The following PSMA7 variants were observed in gnomAD, a reference collection of about 807,000 sequenced individuals.
The protein encoded by PSMA7 is proteasome 20S subunit alpha 7.
PSMA7 carries 5 observed loss-of-function variants against 31.3 expected under a neutral mutation model. That is an observed-to-expected ratio of 0.16 (90% CI 0.08 to 0.34). PSMA7 has a LOEUF of 0.34. PSMA7 is among the 10% of genes least tolerant of loss of function. PSMA7 has a pLI of 1.00. For synonymous variants in PSMA7, 155 were observed against 121.9 expected (o/e 1.27, Z -1.79); for missense variants, 217 against 327.5 (o/e 0.66, Z 2.60).
Position 62,138,240 on chromosome 20 carries a change from C to T in PSMA7, c.522G>A (p.Lys174=). Residue 174 remains lysine (K), a synonymous_variant, in exon 5 of 7, where the codon AAG becomes AAA. Transcript: ENST00000370873. The part of the protein sequence containing the change: ...GAKSVREFLE[K]NYTDEAIETD... ...TTTCAATGGCTTCGTCAGTATAGTT[C>T]TTCTCCAGGAACTCGCGCACTGACT... 1.2e-6 allele frequency: 2 copies of T among 1,614,024 alleles called. No individual in the cohort carries two copies. The highest frequency in any genetic ancestry group is 1.7e-6 in the Non-Finnish European group (2 of 1,179,902).
intron 2 of PSMA7, among the ~76,000 whole-genome samples, 185 bp downstream of exon 2, chr20:62,140,633 C>T (rs551407065): frequency 1.3e-5 from 2 of 152,254 alleles, no homozygotes; most frequent in Non-Finnish European, 2.9e-5. Context: ...GTTTCACCTG[C>T]TATGGCAGAG....
In PSMA7 at chr20:62,140,935, G is replaced by A; in HGVS notation, c.106C>T (p.Arg36Ter). Residue 36 changes from arginine (R) to a stop codon, truncating the protein, a stop_gained, in exon 2 of 7, where the codon CGA becomes TGA. Coordinates refer to ENST00000370873, the MANE Select transcript of PSMA7 (RefSeq NM_002792.4). LOFTEE classifies it high-confidence loss of function. ...CCAAGAACAACAATGTCTCTTCCTC[G>A]AACACCAACCTTTAATTAAGATCCA... Reference protein sequence around the residue: ...VKKGSTAVGVRGRDIVVLGVE... With the variant: ...VKKGSTAVGV 1 of 1,614,036 alleles carries A rather than the reference G, an allele frequency of 6.2e-7. No individual in the cohort carries two copies. Among genetic ancestry groups the A allele is most frequent in the Non-Finnish European group, 8.5e-7 (1 of 1,180,006 alleles).
At chr20:62,139,594 A>G in intron 3 of PSMA7, 187 bp downstream of exon 3, 2 of 949,150 alleles carry the variant, frequency 2.1e-6, no homozygotes, top group Non-Finnish European at 3.2e-6. Context: ...CCAGGAACTG[A>G]GAACAGAACA....
chr20:62,140,188 A>T (rs1182260019), intron 2 of PSMA7, among the ~76,000 whole-genome samples: 1 of 152,214 alleles, frequency 6.6e-6, no homozygotes, highest in Non-Finnish European at 1.5e-5. Context: ...TTGTAAATAA[A>T]AAATTGTAGG....
Position 62,139,794 on chromosome 20 carries a change from G to A in PSMA7, c.335C>T (p.Ala112Val). 6.2e-7 allele frequency: 1 copy of A among 1,614,054 alleles called. No homozygotes were observed. The highest frequency in any genetic ancestry group is 8.5e-7 in the Non-Finnish European group (1 of 1,180,042). The change falls in exon 3 of 7, where the codon GCC becomes GTC. Residue 112 changes from alanine (A) to valine (V), a missense_variant. Ala to Val is a moderately conservative substitution (Grantham distance 64). This residue lies in a region of PSMA7 where 53 missense variants were observed against 119.4 expected (regional missense o/e 0.44). Coordinates refer to ENST00000370873, the MANE Select transcript of PSMA7 (RefSeq NM_002792.4). Reference protein sequence around the residue: ...VTVEYITRYIASLKQRYTQSN... With the variant: ...VTVEYITRYIVSLKQRYTQSN... ...GCAGGCACCCACCTGCTTCAGACTG[G>A]CGATGTAGCGGGTGATGTACTCCAC...
chr20:62,141,609 C>A (rs923874250), intron 1 of PSMA7, among the ~76,000 whole-genome samples: 3 of 152,256 alleles, frequency 2.0e-5, no homozygotes, highest in Non-Finnish European at 4.4e-5. Flanking sequence ...ATGAATCAGT[C>A]CCATGCAAAG....
intron 5 of PSMA7, 66 bp from the exon 6 acceptor site, chr20:62,137,492 G>T (rs1336267023): frequency 5.3e-6 from 8 of 1,497,294 alleles, no homozygotes; most frequent in South Asian, 1.1e-5. Flanking sequence ...CAGCTCTCAG[G>T]AGTACCTTAA....
At chr20:62,137,269 T>G in intron 6 of PSMA7, 95 bp downstream of exon 6, 1 of 1,242,620 alleles carries the variant, frequency 8.0e-7, no homozygotes. Context: ...AACCACAGAA[T>G]GGCCCTATGA....
intron 3 of PSMA7, 190 bp from the exon 4 acceptor site, chr20:62,139,387 C>A (rs1374297929): frequency 6.6e-6 from 5 of 753,208 alleles, no homozygotes; most frequent in Non-Finnish European, 1.0e-5. Context: ...TAGAAAAACT[C>A]ACCTAGGACC....
At chr20:62,138,727 T>C (rs548326273) in intron 4 of PSMA7, among the ~76,000 whole-genome samples, 24 of 152,122 alleles carry the variant, frequency 1.6e-4, no homozygotes, top group African/African-American at 5.5e-4. Flanking sequence ...GCAAATTTTT[T>C]TTGTATTTTT....
chr20:62,139,701 G>A (rs2056915426), intron 3 of PSMA7, 80 bp downstream of exon 3: 1 of 1,605,816 alleles, frequency 6.2e-7, no homozygotes, highest in East Asian at 2.2e-5. Context: ...TTCACCTGAA[G>A]TGACATGGCA....
At chr20:62,140,477 C>T (rs925918752) in intron 2 of PSMA7, among the ~76,000 whole-genome samples, 2 of 152,196 alleles carry the variant, frequency 1.3e-5, no homozygotes, top group African/African-American at 2.4e-5. Flanking sequence ...GATGGCAGGA[C>T]GTGGTTCTGT....
At chr20:62,139,756 A>G in intron 3 of PSMA7, 25 bp downstream of exon 3, 1 of 1,613,846 alleles carries the variant, frequency 6.2e-7, no homozygotes, top group Non-Finnish European at 8.5e-7. Flanking sequence ...GCCAGAGGTG[A>G]GCATGCAAGC....
chr20:62,137,444 C>T lies in PSMA7; in HGVS notation c.592-18G>A. The T allele has an allele frequency of 6.2e-7, 1 of 1,613,388 alleles. No individual in the cohort carries two copies. Among genetic ancestry groups the T allele is most frequent in the East Asian group, 2.2e-5 (1 of 44,880 alleles). On this transcript the variant is annotated intron_variant, in intron 5 of 6. Coordinates refer to ENST00000370873, the MANE Select transcript of PSMA7 (RefSeq NM_002792.4). The stretch of plus-strand genomic sequence containing the variant: ...TGAACCACCTTGAAGGGACAGAAGA[C>T]AGGAGCATTAACCACCTTTCCCTAT...
chr20:62,137,821 T>C (rs2056904315), intron 5 of PSMA7, among the ~76,000 whole-genome samples: 3 of 152,216 alleles, frequency 2.0e-5, no homozygotes, highest in African/African-American at 7.2e-5. Flanking sequence ...TCTAATCCCC[T>C]GACTTTAGCA....
chr20:62,138,356 CA>C (rs1162789233), intron 4 of PSMA7, 66 bp from the exon 5 acceptor site: 301 of 1,530,544 alleles, frequency 2.0e-4, no homozygotes, highest in Non-Finnish European at 2.4e-4. Context: ...CCCTGGAACA[CA>C]GCTGCCCTAC....
chr20:62,139,242 G>C lies in PSMA7; in HGVS notation c.349-45C>G, dbSNP rs748304207. ...GTCAGTGCCATCCAATTAAGAAACT[G>C]CATGTGAGGAAAGAACCGTACTTAG... On this transcript the variant is annotated intron_variant, in intron 3 of 6. Transcript: ENST00000370873. 1.9e-6 allele frequency: 3 copies of C among 1,595,890 alleles called. No homozygotes were observed. In the African/African-American group the frequency reaches 4.0e-5, roughly 21 times the overall value.
chr20:62,142,822 C>A (rs927934113), intron 1 of PSMA7, among the ~76,000 whole-genome samples: 7 of 151,948 alleles, frequency 4.6e-5, no homozygotes, highest in African/African-American at 9.7e-5. Flanking sequence ...CGGCCTACCC[C>A]CCGCGCTCCG....
intron 2 of PSMA7, among the ~76,000 whole-genome samples, chr20:62,140,551 T>C (rs73915593): frequency 1.5e-3 from 235 of 152,354 alleles, no homozygotes; most frequent in African/African-American, 5.4e-3. Context: ...TTGTAACTGA[T>C]TGATACAGAA....
Sources: allele counts gnomAD v4.1 joint callset (sites outside exome capture counted in the v4.1 genomes callset), GRCh38; gene constraint gnomAD v4.1.1; regional missense constraint gnomAD v4.1.1; transcripts MANE v1.5; gene names NCBI Gene and HGNC (gene_info 2026-07-23, HGNC 2026-07-21).